RNGTT: variants seen among roughly 807,000 people sequenced by gnomAD.
The protein encoded by RNGTT is RNA guanylyltransferase and 5'-phosphatase, also known as mRNA-capping enzyme.
A neutral mutation model predicts 79.3 loss-of-function variants in RNGTT; 33 were observed. The observed-to-expected ratio is 0.42, with a 90% CI of 0.32 to 0.56. RNGTT has a LOEUF of 0.56. Ranked by LOEUF, RNGTT falls within the 20% of genes least tolerant of loss-of-function variation. The pLI, the probability that RNGTT is intolerant of heterozygous loss-of-function variation, is 0.17. For missense variants in RNGTT, 497 were observed against 739.1 expected, an observed-to-expected ratio of 0.67 and a Z score of 3.80; for synonymous variants, 222 against 235.9, an observed-to-expected ratio of 0.94 and a Z score of 0.54.
intron 13 of RNGTT, among the ~76,000 whole-genome samples, chr6:88,717,536 G>A (rs934068503): frequency 2.6e-5 from 4 of 152,216 alleles, no homozygotes; most frequent in Non-Finnish European, 5.9e-5. Context: ...GTTTTCAGAA[G>A]AAGGAGAGAA....
At chr6:88,943,594 C>T (rs1271408159) in intron 1 of RNGTT, among the ~76,000 whole-genome samples, 2 of 150,912 alleles carry the variant, frequency 1.3e-5, no homozygotes, top group African/African-American at 2.4e-5. Context: ...AAACAAAAAA[C>T]AGAAAAGCCC....
intron 4 of RNGTT, among the ~76,000 whole-genome samples, chr6:88,923,196 T>C (rs529563396): frequency 6.8e-6 from 1 of 147,516 alleles, no homozygotes; most frequent in East Asian, 1.9e-4. Context: ...ATTTCTTCTG[T>C]TATAAAGTTT....
At chr6:88,869,118 T>C (rs975765992) in intron 8 of RNGTT, among the ~76,000 whole-genome samples, 1 of 152,194 alleles carries the variant, frequency 6.6e-6, no homozygotes, top group Admixed American at 6.5e-5. Context: ...TTTTATTTAA[T>C]ATTGCTTCAT....
intron 11 of RNGTT, among the ~76,000 whole-genome samples, chr6:88,809,996 C>T (rs770836340): frequency 6.3e-4 from 96 of 152,040 alleles, no homozygotes; most frequent in Non-Finnish European, 1.2e-3. Context: ...TGCAATGAGT[C>T]CTGATTGCAC....
chr6:88,785,314 A>G (rs1459935140), intron 12 of RNGTT, among the ~76,000 whole-genome samples: 1 of 152,066 alleles, frequency 6.6e-6, no homozygotes, highest in African/African-American at 2.4e-5. Context: ...TTGTACAGAT[A>G]TATCTATATC....
At chr6:88,697,997 T>TACATATATGATATATATATGAAATAC in intron 13 of RNGTT, among the ~76,000 whole-genome samples, 1 of 93,566 alleles carries the variant, frequency 1.1e-5, no homozygotes, top group Non-Finnish European at 1.8e-5. Context: ...ATATATGAAA[T>TACATATATGATATATATATGAAATAC]ACATATATGA....
chr6:88,729,232 C>A (rs1313382183), intron 13 of RNGTT, among the ~76,000 whole-genome samples: 1 of 152,096 alleles, frequency 6.6e-6, no homozygotes, highest in African/African-American at 2.4e-5. Flanking sequence ...TAAAAATTTT[C>A]AAAAGCTTAC....
At chr6:88,934,783 G>A (rs1043152496) in intron 2 of RNGTT, among the ~76,000 whole-genome samples, 1 of 152,020 alleles carries the variant, frequency 6.6e-6, no homozygotes, top group African/African-American at 2.4e-5. Context: ...TGGGACCACA[G>A]GTATGTGCCA....
intron 13 of RNGTT, among the ~76,000 whole-genome samples, chr6:88,694,698 T>A (rs979584269): frequency 3.9e-5 from 6 of 152,144 alleles, no homozygotes; most frequent in African/African-American, 1.4e-4. Flanking sequence ...TCAAACTGTA[T>A]TACAAAGCTA....
intron 14 of RNGTT, among the ~76,000 whole-genome samples, chr6:88,634,989 G>A (rs1259616566): frequency 3.9e-5 from 6 of 151,958 alleles, no homozygotes; most frequent in African/African-American, 1.4e-4. Flanking sequence ...GACTCTTAAG[G>A]GATGAAAAAA....
At chr6:88,939,940 TAG>T (rs953524607) in intron 2 of RNGTT, among the ~76,000 whole-genome samples, 1 of 151,274 alleles carries the variant, frequency 6.6e-6, no homozygotes, top group African/African-American at 2.4e-5. Context: ...TAATTTTTTG[TAG>T]AGACAGGGTC....
intron 11 of RNGTT, among the ~76,000 whole-genome samples, chr6:88,842,914 A>T (rs1781344787): frequency 6.6e-6 from 1 of 151,982 alleles, no homozygotes; most frequent in Non-Finnish European, 1.5e-5. Context: ...TCTAGAAAAA[A>T]ATACAAAAAA....
chr6:88,785,497 AAAAT>A (rs1302874492), intron 12 of RNGTT, among the ~76,000 whole-genome samples: 2 of 152,152 alleles, frequency 1.3e-5, no homozygotes, highest in African/African-American at 4.8e-5. Flanking sequence ...CAAGGAAAAA[AAAAT>A]AAAATAAGGT....
intron 13 of RNGTT, among the ~76,000 whole-genome samples, chr6:88,729,042 C>T (rs1249577681): frequency 1.3e-5 from 2 of 152,158 alleles, no homozygotes; most frequent in Non-Finnish European, 2.9e-5. Context: ...CAGGATTCTA[C>T]CGCCTGGAGT....
chr6:88,844,615 G>T (rs1440508729), intron 10 of RNGTT, 94 bp from the exon 11 acceptor site: 2 of 1,163,660 alleles, frequency 1.7e-6, no homozygotes, highest in Admixed American at 2.2e-5. Context: ...AATAGTCTGT[G>T]TAAACAGCAT....
Position 88,891,801 on chromosome 6 carries a change from A to G in RNGTT, c.794+5T>C, listed in dbSNP as rs749072008. 3.3e-6 allele frequency: 5 copies of G among 1,528,554 alleles called. No individual in the cohort carries two copies. The highest frequency in any genetic ancestry group is 4.4e-6 in the Non-Finnish European group (5 of 1,139,636). 94.7% of individuals were successfully genotyped at this position (1,528,554 alleles called of 1,614,324 possible). A position where few individuals can be genotyped will look rare whatever the true frequency, so the allele number is the denominator to read the frequency against. On this transcript the variant is annotated splice_donor_5th_base_variant and intron_variant, in intron 7 of 15. Coordinates refer to ENST00000369485, the MANE Select transcript of RNGTT (RefSeq NM_003800.5). ...TTTATTTAAAAATTTAAAAATATTT[A>G]TTACCCTTCCCAGCCACAGAATTGA... is the stretch of plus-strand genomic sequence containing the variant.
At chr6:88,953,423 A>G (rs1321581947) in intron 1 of RNGTT, among the ~76,000 whole-genome samples, 1 of 152,102 alleles carries the variant, frequency 6.6e-6, no homozygotes, top group Non-Finnish European at 1.5e-5. Flanking sequence ...AGACAAAAAC[A>G]AAGAAAAAAA....
intron 12 of RNGTT, among the ~76,000 whole-genome samples, chr6:88,798,476 AAGAG>A (rs1194179679): frequency 2.6e-5 from 4 of 152,066 alleles, no homozygotes; most frequent in Non-Finnish European, 5.9e-5. Flanking sequence ...AAAAAAAAAA[AAGAG>A]AGAAAAATGA....
chr6:88,933,967 T>C (rs990520502), intron 2 of RNGTT, among the ~76,000 whole-genome samples: 2 of 152,214 alleles, frequency 1.3e-5, no homozygotes, highest in African/African-American at 2.4e-5. Flanking sequence ...CAACAGCATA[T>C]GAGTTCTCTT....
Sources: gnomAD v4.1 joint callset for allele counts (sites outside exome capture counted in the v4.1 genomes callset) on GRCh38, gnomAD v4.1.1 for gene constraint, MANE v1.5 for transcripts, NCBI Gene and HGNC (gene_info 2026-07-23, HGNC 2026-07-21) for gene names.